The following FBXW8 variants were observed in gnomAD, a reference collection of about 807,000 sequenced individuals.
FBXW8 encodes F-box/WD repeat-containing protein 8.
In FBXW8, 57 loss-of-function variants were observed where a neutral mutation model predicts 65.3. The ratio of observed to expected loss-of-function variants is 0.87; its 90% CI spans 0.71 to 1.09. The LOEUF is 1.09. Ranked by LOEUF, FBXW8 falls within the 50% of genes least tolerant of loss-of-function variation. The pLI, the probability that FBXW8 is intolerant of heterozygous loss-of-function variation, is 0.00. For synonymous variants in FBXW8, 308 were observed against 330.2 expected (o/e 0.93, Z 0.73); for missense variants, 777 against 814.8 (o/e 0.95, Z 0.57).
At chr12:116,948,869 C>T (rs1038677826) in intron 3 of FBXW8, 2 of 152,284 alleles carry the variant, frequency 1.3e-5, no homozygotes, top group African/African-American at 4.8e-5. Context: ...ATCCTCCTGC[C>T]TCATCCTCTC....
intron 2 of FBXW8, among the ~76,000 whole-genome samples, chr12:116,934,032 AC>A (rs1333122238): frequency 6.6e-6 from 1 of 152,028 alleles, no homozygotes; most frequent in East Asian, 1.9e-4. Context: ...CTTGGAGAAA[AC>A]CTGTTTGCTT....
intron 8 of FBXW8, among the ~76,000 whole-genome samples, chr12:117,017,398 T>C (rs981553083): frequency 6.6e-6 from 1 of 152,200 alleles, no homozygotes; most frequent in African/African-American, 2.4e-5. Context: ...ACTCTAAACT[T>C]CAGAGATACA....
chr12:116,970,982 C>A (rs970048144), intron 5 of FBXW8, among the ~76,000 whole-genome samples: 3 of 152,072 alleles, frequency 2.0e-5, no homozygotes, highest in African/African-American at 4.8e-5. Context: ...ACCAAAAAAA[C>A]ACACCAGGTA....
At position 116,945,434 on chromosome 12, in the gene FBXW8, A is replaced by G. The variant is rs1487824017; in HGVS notation, c.494A>G (p.His165Arg). Residue 165 changes from histidine (H) to arginine (R), a missense_variant, in exon 3 of 11, where the codon CAC becomes CGC. Physicochemically the swap from His to Arg is conservative, Grantham distance 29. Coordinates refer to ENST00000652555, the MANE Select transcript of FBXW8 (RefSeq NM_153348.3). ...TACAGGCTGTGCCAGCAGGAAGGGC[A>G]CCTTCCGGATAGCAGCATCTCTGAC... ...LWYRLCQQEG[H>R]LPDSSISDYS... The G allele has an allele frequency of 6.2e-7, 1 of 1,614,026 alleles. No homozygotes were observed. The highest frequency in any genetic ancestry group is 1.7e-5 in the Admixed American group (1 of 60,010).
chr12:117,020,337 A>G (rs1292456158), intron 8 of FBXW8, among the ~76,000 whole-genome samples: 1 of 152,098 alleles, frequency 6.6e-6, no homozygotes, highest in Non-Finnish European at 1.5e-5. Flanking sequence ...CATTTTTTAA[A>G]TTATACTCTT....
rs760514136 is a variant in FBXW8 at position 117,028,142 on chromosome 12, C to T, written c.1767C>T (p.Leu589=). 3.0e-5 allele frequency: 48 copies of T among 1,614,038 alleles called. No homozygotes were observed. Among genetic ancestry groups the T allele is most frequent in the Non-Finnish European group, 3.4e-5 (40 of 1,180,036 alleles). ...CCATGGCCACTCACTACTACGACCT[C>T]GCACTGGCCTTTCCCTATAACCATG... ...CDAMATHYYD[L]ALAFPYNHV is the part of the protein sequence containing the mutation. The change falls in exon 11 of 11, where the codon CTC becomes CTT. Residue 589 remains leucine (L), a synonymous_variant. Transcript: ENST00000652555. This position sits in a 1 kb window ranked among gnomAD's most constrained non-coding sequence, Gnocchi z 4.1.
chr12:117,019,309 A>G (rs1052981028), intron 8 of FBXW8, among the ~76,000 whole-genome samples: 2 of 152,182 alleles, frequency 1.3e-5, no homozygotes, highest in Admixed American at 1.3e-4. Context: ...CTTCAAGACC[A>G]TCTAATGCTG....
intron 1 of FBXW8, among the ~76,000 whole-genome samples, chr12:116,922,870 T>G (rs942371277): frequency 6.6e-6 from 1 of 152,040 alleles, no homozygotes; most frequent in Non-Finnish European, 1.5e-5. Flanking sequence ...CTGCCTATGA[T>G]GTATGGTTGT....
rs1260501363 is a variant in FBXW8 at position 116,910,996 on chromosome 12, C to T, written c.-42C>T. On this transcript the variant is annotated 5_prime_UTR_variant, in exon 1 of 11. Coordinates refer to ENST00000652555, the MANE Select transcript of FBXW8 (RefSeq NM_153348.3). ...CTGGGCGGGACTGTCTCGTGGCACC[C>T]GGTGGAACCGAGGAGAACGTGGAGC... The T allele has an allele frequency of 2.2e-6, 3 of 1,356,232 alleles. No individual in the cohort carries two copies. Among genetic ancestry groups the T allele is most frequent in the Non-Finnish European group, 2.8e-6 (3 of 1,060,166 alleles). 84.0% of individuals were successfully genotyped at this position (1,356,232 alleles called of 1,614,324 possible).
At position 116,945,350 on chromosome 12, in the gene FBXW8, T is replaced by C; in HGVS notation, c.424-14T>C. The C allele has an allele frequency of 6.2e-7, 1 of 1,601,222 alleles. No homozygotes were observed. The highest frequency in any genetic ancestry group is 1.1e-5 in the South Asian group (1 of 89,764). On this transcript the variant is annotated splice_polypyrimidine_tract_variant and intron_variant, in intron 2 of 10. Coordinates refer to ENST00000652555, the MANE Select transcript of FBXW8 (RefSeq NM_153348.3). ...TTGCAGAATTTGACATTTGTGTCAC[T>C]TCTGCTGTTTTAGGTGAGCAAGACG...
intron 2 of FBXW8, among the ~76,000 whole-genome samples, chr12:116,930,807 T>G (rs1228075778): frequency 6.6e-6 from 1 of 152,166 alleles, no homozygotes; most frequent in Non-Finnish European, 1.5e-5. Flanking sequence ...GTTTTGAACT[T>G]ATTTTTATTT....
chr12:116,932,847 T>C (rs1024396768), intron 2 of FBXW8, among the ~76,000 whole-genome samples: 1 of 152,226 alleles, frequency 6.6e-6, no homozygotes, highest in African/African-American at 2.4e-5. Flanking sequence ...AATCTTTCTT[T>C]GTGAAGCATT....
intron 4 of FBXW8, among the ~76,000 whole-genome samples, chr12:116,960,531 A>C (rs1411469560): frequency 6.6e-6 from 1 of 152,192 alleles, no homozygotes; most frequent in East Asian, 1.9e-4. Flanking sequence ...ATGTTTATTG[A>C]AATAATTTAG....
intron 8 of FBXW8, among the ~76,000 whole-genome samples, chr12:117,018,319 A>G (rs1304697587): frequency 6.6e-6 from 1 of 152,232 alleles, no homozygotes; most frequent in Admixed American, 6.5e-5. Flanking sequence ...AAAGTTGATG[A>G]AATACTCGCT....
intron 2 of FBXW8, among the ~76,000 whole-genome samples, chr12:116,943,002 C>T (rs1431298609): frequency 2.0e-5 from 3 of 151,994 alleles, no homozygotes; most frequent in Non-Finnish European, 2.9e-5. Flanking sequence ...TGGTCTGAAT[C>T]TCCTGACCTG....
intron 2 of FBXW8, among the ~76,000 whole-genome samples, chr12:116,933,533 A>G (rs1352932773): frequency 6.6e-6 from 1 of 152,236 alleles, no homozygotes; most frequent in Admixed American, 6.5e-5. Context: ...TTAATTTGCA[A>G]CACAGTAGTC....
At chr12:116,923,964 C>T (rs982034615) in intron 1 of FBXW8, among the ~76,000 whole-genome samples, 4 of 152,200 alleles carry the variant, frequency 2.6e-5, no homozygotes, top group Non-Finnish European at 4.4e-5. Context: ...CCGCCTGCCT[C>T]GGCCTCCCAA....
At chr12:116,955,233 A>T (rs1002648973) in intron 4 of FBXW8, among the ~76,000 whole-genome samples, 1 of 152,166 alleles carries the variant, frequency 6.6e-6, no homozygotes, top group Non-Finnish European at 1.5e-5. Context: ...TCACTTGACC[A>T]CTTAGCAAGG....
intron 2 of FBXW8, among the ~76,000 whole-genome samples, chr12:116,944,954 G>A (rs917346501): frequency 6.6e-6 from 1 of 152,132 alleles, no homozygotes; most frequent in Non-Finnish European, 1.5e-5. Flanking sequence ...GATTTTGGAG[G>A]CCATCAATCT....
Sources: allele counts gnomAD v4.1 joint callset (sites outside exome capture counted in the v4.1 genomes callset), GRCh38; gene constraint gnomAD v4.1.1; non-coding constraint Gnocchi (gnomAD v3.1); transcripts MANE v1.5; gene names NCBI Gene and HGNC (gene_info 2026-07-23, HGNC 2026-07-21).